Variants in CTNNA3 observed in about 807,000 individuals in gnomAD.
The protein encoded by CTNNA3 is catenin alpha 3.
In CTNNA3, 76 loss-of-function variants were observed where a neutral mutation model predicts 95.7. That is an observed-to-expected ratio of 0.79 (90% CI 0.66 to 0.96). The LOEUF (loss-of-function observed/expected upper bound fraction) is 0.96. Among genes scored for constraint, CTNNA3 ranks in the 40% least tolerant of loss-of-function variants. The pLI is 0.00. For missense variants in CTNNA3, 1,191 were observed against 1,089.8 expected (o/e 1.09, Z -1.31); for synonymous variants, 431 against 374.4 (o/e 1.15, Z -1.74).
chr10:66,600,436 C>G (rs1419297668), intron 10 of CTNNA3, among the ~76,000 whole-genome samples: 1 of 151,598 alleles, frequency 6.6e-6, no homozygotes, highest in African/African-American at 2.4e-5. Flanking sequence ...CAAACACCAC[C>G]CATAAAAATC....
At chr10:67,656,373 T>A (rs1840025802) in intron 1 of CTNNA3, among the ~76,000 whole-genome samples, 1 of 152,186 alleles carries the variant, frequency 6.6e-6, no homozygotes, top group Non-Finnish European at 1.5e-5. Flanking sequence ...ACCTAGCTTT[T>A]TGGTAGGCTA....
intron 3 of CTNNA3, among the ~76,000 whole-genome samples, chr10:67,600,645 T>C (rs1843056565): frequency 6.6e-6 from 1 of 152,208 alleles, no homozygotes; most frequent in South Asian, 2.1e-4. Context: ...GAAAGCTGTT[T>C]GGTAATATCT....
chr10:66,360,893 ATTTC>A (rs1228458032), intron 12 of CTNNA3, among the ~76,000 whole-genome samples: 5 of 52,434 alleles, frequency 9.5e-5, no homozygotes, highest in Non-Finnish European at 8.4e-5. Flanking sequence ...TTTTTTCTTT[ATTTC>A]TTTCTCTCTC....
intron 15 of CTNNA3, among the ~76,000 whole-genome samples, chr10:66,041,954 T>C (rs995510040): frequency 1.3e-5 from 2 of 152,224 alleles, no homozygotes; most frequent in Non-Finnish European, 2.9e-5. Flanking sequence ...CTTCTCAGCA[T>C]AACAAATAAC....
chr10:67,224,923 G>A (rs377153407), intron 5 of CTNNA3, among the ~76,000 whole-genome samples: 2 of 152,042 alleles, frequency 1.3e-5, no homozygotes, highest in African/African-American at 2.4e-5. Flanking sequence ...ACTCCACAGC[G>A]TGGGGGAAGA....
At chr10:67,634,648 G>GA (rs1421917857) in intron 2 of CTNNA3, among the ~76,000 whole-genome samples, 2 of 151,912 alleles carry the variant, frequency 1.3e-5, no homozygotes, top group Non-Finnish European at 2.9e-5. Flanking sequence ...CAAGCAAATG[G>GA]AAAACAGAAA....
intron 5 of CTNNA3, among the ~76,000 whole-genome samples, chr10:67,439,209 C>T (rs1238218706): frequency 1.3e-5 from 2 of 152,140 alleles, no homozygotes; most frequent in Admixed American, 6.6e-5. Flanking sequence ...AGCTCACCCA[C>T]AACAGGATAG....
chr10:67,364,885 A>G (rs765338926), intron 5 of CTNNA3, among the ~76,000 whole-genome samples: 11 of 152,216 alleles, frequency 7.2e-5, no homozygotes, highest in Non-Finnish European at 1.0e-4. Context: ...TTTAAAATTC[A>G]TATGGAACCA....
intron 5 of CTNNA3, among the ~76,000 whole-genome samples, chr10:67,460,298 T>C (rs1419560654): frequency 6.6e-6 from 1 of 152,172 alleles, no homozygotes; most frequent in Non-Finnish European, 1.5e-5. Flanking sequence ...TTCCAGGACA[T>C]AGTCCCTGGG....
intron 12 of CTNNA3, among the ~76,000 whole-genome samples, chr10:66,324,144 G>T (rs2092224940): frequency 6.6e-6 from 1 of 151,754 alleles, no homozygotes; most frequent in South Asian, 2.1e-4. Flanking sequence ...ATATGGTGAA[G>T]CCTCATCTCT....
chr10:67,651,764 C>G (rs370974921), intron 1 of CTNNA3, among the ~76,000 whole-genome samples: 1 of 152,006 alleles, frequency 6.6e-6, no homozygotes, highest in Non-Finnish European at 1.5e-5. Flanking sequence ...TTTAAGAGCT[C>G]AAAAAATATA....
intron 15 of CTNNA3, among the ~76,000 whole-genome samples, chr10:66,042,397 T>C (rs1196339290): frequency 1.3e-5 from 2 of 152,144 alleles, no homozygotes; most frequent in Middle Eastern, 3.4e-3. Context: ...TAAATACTTA[T>C]AAAGCATGAG....
chr10:66,952,932 T>A (rs902604547), intron 7 of CTNNA3, among the ~76,000 whole-genome samples: 4 of 152,130 alleles, frequency 2.6e-5, no homozygotes, highest in Non-Finnish European at 5.9e-5. Context: ...CCGTTCAGAA[T>A]GCAAGGTATC....
chr10:66,081,849 G>T (rs1056418021), intron 14 of CTNNA3, among the ~76,000 whole-genome samples: 1 of 152,174 alleles, frequency 6.6e-6, no homozygotes, highest in Admixed American at 6.5e-5. Flanking sequence ...GGGTGCAGTG[G>T]CTCACGCCTG....
At chr10:66,354,014 G>A (rs887026003) in intron 12 of CTNNA3, among the ~76,000 whole-genome samples, 2 of 152,040 alleles carry the variant, frequency 1.3e-5, no homozygotes, top group African/African-American at 2.4e-5. Context: ...CAGACGCAGC[G>A]GCTCACGCCT....
chr10:66,708,706 G>A (rs1848198194), intron 9 of CTNNA3, among the ~76,000 whole-genome samples: 1 of 152,012 alleles, frequency 6.6e-6, no homozygotes, highest in Non-Finnish European at 1.5e-5. Flanking sequence ...GAGTATCACT[G>A]AATTTAGAGC....
intron 15 of CTNNA3, among the ~76,000 whole-genome samples, chr10:66,063,785 T>C (rs1042157775): frequency 6.6e-6 from 1 of 152,136 alleles, no homozygotes; most frequent in Non-Finnish European, 1.5e-5. Context: ...TATTTAATTC[T>C]ATTTTCATTA....
intron 7 of CTNNA3, among the ~76,000 whole-genome samples, chr10:67,084,424 A>C (rs1383213451): frequency 6.6e-6 from 1 of 151,986 alleles, no homozygotes; most frequent in Non-Finnish European, 1.5e-5. Flanking sequence ...TTTTAAAGCT[A>C]AATCTGAAGT....
chr10:66,900,911 C>T (rs1018174685), intron 7 of CTNNA3, among the ~76,000 whole-genome samples: 1 of 152,158 alleles, frequency 6.6e-6, no homozygotes, highest in African/African-American at 2.4e-5. Context: ...ATTGGTGTAC[C>T]TGAAAGTGAC....
Sources: allele counts gnomAD v4.1 joint callset (sites outside exome capture counted in the v4.1 genomes callset), GRCh38; gene constraint gnomAD v4.1.1; transcripts MANE v1.5; gene names NCBI Gene and HGNC (gene_info 2026-07-23, HGNC 2026-07-21).